AXDND1: variants seen among roughly 807,000 people sequenced by gnomAD.
The protein encoded by AXDND1 is axonemal dynein light chain domain containing 1, also known as axonemal dynein light chain domain-containing protein 1.
AXDND1 carries 110 observed loss-of-function variants against 137.5 expected under a neutral mutation model. The observed-to-expected ratio is 0.80, with a 90% CI of 0.69 to 0.94. The LOEUF (loss-of-function observed/expected upper bound fraction) is 0.94. Among genes scored for constraint, AXDND1 ranks in the 40% least tolerant of loss-of-function variants. AXDND1 has a pLI of 0.00. For synonymous variants in AXDND1, 414 were observed against 399.7 expected, an observed-to-expected ratio of 1.04 and a Z score of -0.43; for missense variants, 1,191 against 1,169.8, an observed-to-expected ratio of 1.02 and a Z score of -0.26.
chr1:179,466,276 C>CTTTTTTTTT (rs1558222697), intron 16 of AXDND1, among the ~76,000 whole-genome samples: 1 of 121,362 alleles, frequency 8.2e-6, no homozygotes. Context: ...TTTCTTTCTT[C>CTTTTTTTTT]TTCTTCTTCT....
At chr1:179,374,490 A>G (rs1035775918) in intron 4 of AXDND1, among the ~76,000 whole-genome samples, 2 of 152,210 alleles carry the variant, frequency 1.3e-5, no homozygotes, top group African/African-American at 4.8e-5. Flanking sequence ...TACCCAAAGG[A>G]TTATACATCA....
intron 12 of AXDND1, among the ~76,000 whole-genome samples, chr1:179,424,481 G>A (rs1409113237): frequency 1.4e-5 from 2 of 146,772 alleles, no homozygotes; most frequent in African/African-American, 5.1e-5. Flanking sequence ...AGGCTGGAGT[G>A]CAGTGGCATG....
At chr1:179,522,444 C>G (rs1180329349) in intron 21 of AXDND1, among the ~76,000 whole-genome samples, 1 of 151,916 alleles carries the variant, frequency 6.6e-6, no homozygotes, top group Non-Finnish European at 1.5e-5. Flanking sequence ...TATGATGTAT[C>G]TGTATAAGAA....
intron 2 of AXDND1, among the ~76,000 whole-genome samples, chr1:179,367,812 A>G (rs1667611358): frequency 1.3e-5 from 2 of 152,220 alleles, no homozygotes; most frequent in South Asian, 2.1e-4. Flanking sequence ...GCCAATTTGT[A>G]TTAGCTTTTA....
chr1:179,512,250 G>A (rs762760857), intron 21 of AXDND1, among the ~76,000 whole-genome samples: 7 of 152,182 alleles, frequency 4.6e-5, no homozygotes, highest in Non-Finnish European at 1.0e-4. Context: ...TAAGGTGAGA[G>A]ATGAGGATCC....
At chr1:179,470,059 A>G (rs1350093764) in intron 17 of AXDND1, among the ~76,000 whole-genome samples, 1 of 152,186 alleles carries the variant, frequency 6.6e-6, no homozygotes, top group Non-Finnish European at 1.5e-5. Context: ...TAGTTGTACC[A>G]GCACCATTTG....
chr1:179,376,107 A>G (rs1040025692), intron 4 of AXDND1, among the ~76,000 whole-genome samples: 10 of 152,176 alleles, frequency 6.6e-5, no homozygotes, highest in African/African-American at 2.2e-4. Flanking sequence ...CATTTCATCC[A>G]TAAAACCTTT....
Position 179,432,285 on chromosome 1 carries a change from C to A in AXDND1, c.1506C>A (p.Ser502=), listed in dbSNP as rs548680291. The A allele has an allele frequency of 5.1e-6, 8 of 1,560,016 alleles. No individual in the cohort carries two copies. In the African/African-American group the frequency reaches 9.6e-5, roughly 19 times the overall value. ...QEFFNEKDIL[S]PNKGNIFNSV... Reference sequence around the variant, plus strand: ...TTTTCAGTGAAAAAGACATTTTATCCCCTAATAAGGGAAATATATTTAATT... The same window carrying A: ...TTTTCAGTGAAAAAGACATTTTATCACCTAATAAGGGAAATATATTTAATT... Residue 502 remains serine, a synonymous_variant, in exon 15 of 26, where the codon TCC becomes TCA. Coordinates refer to ENST00000367618, the MANE Select transcript of AXDND1 (RefSeq NM_144696.6).
At chr1:179,482,861 TA>T (rs759902183) in intron 17 of AXDND1, among the ~76,000 whole-genome samples, 13 of 151,506 alleles carry the variant, frequency 8.6e-5, no homozygotes, top group Non-Finnish European at 1.8e-4. Context: ...TGTAAGTTTT[TA>T]CAGTAGAGAG....
chr1:179,424,140 CGTTT>C (rs145677984), intron 12 of AXDND1, among the ~76,000 whole-genome samples: 44,320 of 151,460 alleles, frequency 0.29, 6,640 homozygotes, highest in Non-Finnish European at 0.31. Context: ...GGGTTTTGTT[CGTTT>C]GTTTGTTTGT....
At chr1:179,382,159 A>AC (rs1264734677) in intron 6 of AXDND1, among the ~76,000 whole-genome samples, 1 of 150,188 alleles carries the variant, frequency 6.7e-6, no homozygotes, top group African/African-American at 2.5e-5. Flanking sequence ...GCTCACTGCA[A>AC]CCCCCGCCTC....
chr1:179,411,280 GATTCACAACTCACACTTCTTTTT>G lies in AXDND1; in HGVS notation c.1230+15_1230+37del. The G allele has an allele frequency of 6.2e-7, 1 of 1,601,836 alleles. No individual in the cohort carries two copies. The highest frequency in any genetic ancestry group is 8.5e-7 in the Non-Finnish European group (1 of 1,177,040). ...TTGGCCCTGAAGGTTAGTTCATCTGGATTCACAACTCACACTTCTTTTTTGGCTAAAGATTCATTCTACAGTTT... is the reference window on the plus strand; with the variant it reads ...TTGGCCCTGAAGGTTAGTTCATCTGGTGGCTAAAGATTCATTCTACAGTTT... On this transcript the variant is annotated intron_variant, in intron 12 of 25. Transcript: ENST00000367618.
chr1:179,554,497 A>G lies in AXDND1; in HGVS notation c.3032-15A>G, dbSNP rs1673788585. ...CCACATTTCTATTCTCTCCACTTTG[A>G]TTCCCCAAATACAGGTCACTGAATC... On this transcript the variant is annotated splice_polypyrimidine_tract_variant and intron_variant, in intron 25 of 25. Transcript: ENST00000367618. The G allele has an allele frequency of 6.2e-7, 1 of 1,614,030 alleles. No homozygotes were observed. Among genetic ancestry groups the G allele is most frequent in the African/African-American group, 1.3e-5 (1 of 74,916 alleles).
In AXDND1 at chr1:179,551,446, A is replaced by G. The variant is rs759792052; in HGVS notation, c.3032-3066A>G. On this transcript the variant is annotated intron_variant, in intron 25 of 25. Transcript: ENST00000367618. ...AAGCAGCCTTTTCCGCTTCTGCAGC[A>G]ATCATCTAGAAAACATGTGACGAAA... is the stretch of plus-strand genomic sequence containing the variant. 2.5e-6 allele frequency: 4 copies of G among 1,613,152 alleles called. No homozygotes were observed. In the Admixed American group the frequency reaches 6.7e-5, roughly 27 times the overall value.
intron 17 of AXDND1, among the ~76,000 whole-genome samples, chr1:179,477,236 A>C (rs553443894): frequency 2.6e-5 from 4 of 151,900 alleles, no homozygotes; most frequent in Non-Finnish European, 5.9e-5. Flanking sequence ...TATTTGCTGC[A>C]ACATTGTTAT....
chr1:179,421,367 C>CTTTTTTTTTTTTTTTTTTTTT (rs199703017), intron 12 of AXDND1, among the ~76,000 whole-genome samples: 3 of 107,232 alleles, frequency 2.8e-5, no homozygotes, highest in African/African-American at 4.1e-5. Flanking sequence ...TTTTCTTTTC[C>CTTTTTTTTTTTTTTTTTTTTT]TTTTTTTTTT....
chr1:179,436,306 C>A (rs1295837637), intron 15 of AXDND1, among the ~76,000 whole-genome samples: 1 of 152,122 alleles, frequency 6.6e-6, no homozygotes, highest in African/African-American at 2.4e-5. Context: ...GGATCTAGAA[C>A]TAGAAATACC....
intron 20 of AXDND1, among the ~76,000 whole-genome samples, chr1:179,493,944 T>C (rs181425227): frequency 5.4e-4 from 82 of 152,216 alleles, no homozygotes; most frequent in African/African-American, 1.9e-3. Context: ...ACACTTGATA[T>C]AGTCAGTCTT....
At chr1:179,392,410 G>T (rs1650346063) in intron 9 of AXDND1, among the ~76,000 whole-genome samples, 1 of 152,154 alleles carries the variant, frequency 6.6e-6, no homozygotes, top group South Asian at 2.1e-4. Context: ...TATTTTTGCA[G>T]TTGCAAATTG....
Sources: gnomAD v4.1 joint callset for allele counts (sites outside exome capture counted in the v4.1 genomes callset) on GRCh38, gnomAD v4.1.1 for gene constraint, MANE v1.5 for transcripts, NCBI Gene and HGNC (gene_info 2026-07-23, HGNC 2026-07-21) for gene names.